CLASP2: variants seen among roughly 807,000 people sequenced by gnomAD.
CLASP2 encodes cytoplasmic linker associated protein 2, also known as CLIP-associating protein 2.
A neutral mutation model predicts 194.4 loss-of-function variants in CLASP2; 47 were observed. That is an observed-to-expected ratio of 0.24 (90% CI 0.19 to 0.31). CLASP2 has a LOEUF of 0.31. Among genes scored for constraint, CLASP2 ranks in the 10% least tolerant of loss-of-function variants. CLASP2 has a pLI of 1.00. For synonymous variants in CLASP2, 619 were observed against 633.5 expected, an observed-to-expected ratio of 0.98 and a Z score of 0.34; for missense variants, 1,445 against 1,823.6, an observed-to-expected ratio of 0.79 and a Z score of 3.78.
At chr3:33,663,587 C>T in intron 6 of CLASP2, 72 bp from the exon 7 acceptor site, 2 of 1,059,554 alleles carry the variant, frequency 1.9e-6, no homozygotes, top group Non-Finnish European at 2.9e-6. Flanking sequence ...CAATTTCCTT[C>T]ACCATTCCCT....
At chr3:33,655,033 T>C (rs143231308) in intron 7 of CLASP2, among the ~76,000 whole-genome samples, 1,585 of 152,236 alleles carry the variant, frequency 0.01, 21 homozygotes, top group Middle Eastern at 0.024. Flanking sequence ...TGAAATTAAA[T>C]AACACATGCC....
chr3:33,546,575 T>C (rs1254040471), intron 30 of CLASP2, among the ~76,000 whole-genome samples: 4 of 152,178 alleles, frequency 2.6e-5, no homozygotes, highest in Non-Finnish European at 1.5e-5. Flanking sequence ...GTCTCCAGAG[T>C]TCCCTTTTGT....
rs1445264711 is a variant in CLASP2, at chr3:33,604,138, T to G, written c.1750+16A>C. 1 of 1,538,834 alleles carries G rather than the reference T, an allele frequency of 6.5e-7. No individual in the cohort carries two copies. The highest frequency in any genetic ancestry group is 8.8e-7 in the Non-Finnish European group (1 of 1,135,270). ...AGATAAAATAGGTTATAACTCTTAT[T>G]TAAAGAGAAAATTACCTCTTCCAGC... On this transcript the variant is annotated intron_variant, in intron 17 of 38. Coordinates refer to ENST00000682230, the MANE Select transcript of CLASP2 (RefSeq NM_001365631.1).
chr3:33,501,108 C>T (rs1390098797), intron 38 of CLASP2, among the ~76,000 whole-genome samples: 1 of 152,094 alleles, frequency 6.6e-6, no homozygotes, highest in Non-Finnish European at 1.5e-5. Context: ...GCAAGACTTA[C>T]TTATTTTTTT....
chr3:33,526,943 T>C (rs1440452681), intron 34 of CLASP2, among the ~76,000 whole-genome samples: 2 of 152,122 alleles, frequency 1.3e-5, no homozygotes, highest in African/African-American at 4.8e-5. Context: ...AGAACAAAGA[T>C]ACAAGACATT....
intron 9 of CLASP2, among the ~76,000 whole-genome samples, chr3:33,631,837 C>T (rs1239735184): frequency 7.1e-6 from 1 of 141,300 alleles, no homozygotes; most frequent in Non-Finnish European, 1.5e-5. Flanking sequence ...ACAAATTTTA[C>T]ATCACGAAAA....
intron 22 of CLASP2, 94 bp downstream of exon 22, chr3:33,584,656 C>G: frequency 9.0e-7 from 1 of 1,108,550 alleles, no homozygotes; most frequent in Non-Finnish European, 1.2e-6. Flanking sequence ...TTTGTAAGTC[C>G]TAATTGTATT....
intron 18 of CLASP2, among the ~76,000 whole-genome samples, chr3:33,602,142 T>G (rs926241517): frequency 1.3e-5 from 2 of 151,896 alleles, no homozygotes; most frequent in African/African-American, 4.8e-5. Context: ...GCTTCCCAAG[T>G]AGCTGGGATT....
At chr3:33,665,089 C>T (rs1299392505) in intron 6 of CLASP2, among the ~76,000 whole-genome samples, 5 of 147,862 alleles carry the variant, frequency 3.4e-5, no homozygotes, top group East Asian at 2.0e-4. Flanking sequence ...GGTGACAGAG[C>T]GAGATTTTGT....
At chr3:33,702,305 A>G (rs2092429637) in intron 1 of CLASP2, among the ~76,000 whole-genome samples, 1 of 152,196 alleles carries the variant, frequency 6.6e-6, no homozygotes, top group African/African-American at 2.4e-5. Flanking sequence ...ATGAAATAGA[A>G]CTCAGAGTCC....
intron 31 of CLASP2, among the ~76,000 whole-genome samples, chr3:33,544,100 CT>C (rs1378352574): frequency 6.6e-6 from 1 of 152,108 alleles, no homozygotes; most frequent in Non-Finnish European, 1.5e-5. Context: ...CTTTTTAATG[CT>C]TCAGTTCAAT....
At chr3:33,582,022 G>T (rs2066278796) in intron 22 of CLASP2, 94 bp from the exon 23 acceptor site, 2 of 676,018 alleles carry the variant, frequency 3.0e-6, no homozygotes, top group South Asian at 2.0e-5. Flanking sequence ...CTTAAAGACT[G>T]AACAGTAACT....
intron 24 of CLASP2, among the ~76,000 whole-genome samples, chr3:33,574,650 G>C (rs114261233): frequency 0.018 from 2,748 of 152,226 alleles, 41 homozygotes; most frequent in Middle Eastern, 0.041. Flanking sequence ...AGCAGGCTGT[G>C]TCTTTAATCT....
intron 23 of CLASP2, 91 bp from the exon 24 acceptor site, chr3:33,576,366 G>A (rs1463041251): frequency 5.7e-6 from 5 of 878,580 alleles, no homozygotes; most frequent in African/African-American, 5.2e-5. Context: ...ACAGGGGAAG[G>A]AAAAAAAACC....
intron 1 of CLASP2, among the ~76,000 whole-genome samples, chr3:33,698,568 A>G (rs2154351967): frequency 6.6e-6 from 1 of 152,340 alleles, no homozygotes. Context: ...AAAATAGGGA[A>G]AACCTAAAGT....
At chr3:33,582,005 T>C in intron 22 of CLASP2, 77 bp from the exon 23 acceptor site, 1 of 1,014,646 alleles carries the variant, frequency 9.9e-7, no homozygotes, top group Non-Finnish European at 1.5e-6. Flanking sequence ...ATTTTGTTTT[T>C]TTCTTTCTTA....
At chr3:33,578,608 G>A (rs974158623) in intron 23 of CLASP2, among the ~76,000 whole-genome samples, 2 of 152,150 alleles carry the variant, frequency 1.3e-5, no homozygotes, top group Non-Finnish European at 1.5e-5. Context: ...AGTTAGCCCC[G>A]AAAGGTGACT....
At chr3:33,697,437 C>T (rs962644937) in intron 1 of CLASP2, among the ~76,000 whole-genome samples, 2 of 152,106 alleles carry the variant, frequency 1.3e-5, no homozygotes, top group Admixed American at 6.5e-5. Context: ...ATGGTATTTG[C>T]GTACCTAAAC....
chr3:33,691,696 G>A (rs965093334), intron 2 of CLASP2, among the ~76,000 whole-genome samples: 1 of 152,156 alleles, frequency 6.6e-6, no homozygotes, highest in East Asian at 1.9e-4. Context: ...AAAGGCAGAA[G>A]ACAATAGTAA....
Sources: allele counts gnomAD v4.1 joint callset (sites outside exome capture counted in the v4.1 genomes callset), GRCh38; gene constraint gnomAD v4.1.1; transcripts MANE v1.5; gene names NCBI Gene and HGNC (gene_info 2026-07-23, HGNC 2026-07-21).